Variants in DCDC2 observed in about 807,000 individuals in gnomAD.
DCDC2 encodes the protein doublecortin domain-containing protein 2.
Under a neutral mutation model 50.2 loss-of-function variants are expected in DCDC2, and 40 were observed. The ratio of observed to expected loss-of-function variants is 0.80; its 90% CI spans 0.62 to 1.04. DCDC2 has a LOEUF of 1.04. DCDC2 is among the 50% of genes least tolerant of loss of function. DCDC2 has a pLI of 0.00. For synonymous variants in DCDC2, 234 were observed against 210.6 expected (o/e 1.11, Z -0.96); for missense variants, 570 against 581.9 (o/e 0.98, Z 0.21).
intron 7 of DCDC2, among the ~76,000 whole-genome samples, chr6:24,269,728 A>G (rs1219597434): frequency 1.3e-5 from 2 of 152,150 alleles, no homozygotes; most frequent in African/African-American, 2.4e-5. Context: ...AACTGTTTTA[A>G]AAAAGGGGAT....
intron 7 of DCDC2, among the ~76,000 whole-genome samples, chr6:24,272,686 A>G (rs764515867): frequency 1.1e-4 from 17 of 152,222 alleles, no homozygotes; most frequent in Non-Finnish European, 1.8e-4. Context: ...ACCAGTCAGA[A>G]TGGCTGTTCT....
At chr6:24,235,620 C>CA (rs1354610792) in intron 7 of DCDC2, among the ~76,000 whole-genome samples, 6 of 152,080 alleles carry the variant, frequency 3.9e-5, no homozygotes, top group African/African-American at 1.4e-4. Flanking sequence ...TAAAAAGTCT[C>CA]AAAAAACTAG....
chr6:24,262,170 G>A (rs956084980), intron 7 of DCDC2, among the ~76,000 whole-genome samples: 5 of 146,344 alleles, frequency 3.4e-5, no homozygotes. Flanking sequence ...GAGAATCTGT[G>A]TGCTTAGGGG....
At chr6:24,283,881 T>C (rs1763534097) in intron 6 of DCDC2, among the ~76,000 whole-genome samples, 1 of 152,198 alleles carries the variant, frequency 6.6e-6, no homozygotes, top group Non-Finnish European at 1.5e-5. Context: ...TGCCAGGGGT[T>C]ATTCTCCTCT....
intron 4 of DCDC2, among the ~76,000 whole-genome samples, chr6:24,299,494 T>C (rs765934985): frequency 6.6e-6 from 1 of 152,144 alleles, no homozygotes; most frequent in African/African-American, 2.4e-5. Flanking sequence ...AATGAAATTA[T>C]AAAAAAGAGG....
intron 9 of DCDC2, among the ~76,000 whole-genome samples, chr6:24,177,991 A>C (rs1438706607): frequency 6.6e-6 from 1 of 152,126 alleles, no homozygotes; most frequent in Non-Finnish European, 1.5e-5. Context: ...GTCTTAACTT[A>C]TTCTTACTTT....
chr6:24,278,018 C>A, intron 7 of DCDC2, 31 bp downstream of exon 7: 1 of 1,538,980 alleles, frequency 6.5e-7, no homozygotes, highest in South Asian at 1.2e-5. Flanking sequence ...AAAATTGTAT[C>A]ACAGCCTTAA....
intron 7 of DCDC2, among the ~76,000 whole-genome samples, chr6:24,227,109 G>A (rs1225547443): frequency 3.9e-5 from 6 of 152,162 alleles, no homozygotes; most frequent in Non-Finnish European, 5.9e-5. Flanking sequence ...GCAGCAGACG[G>A]GAGTATGACA....
intron 8 of DCDC2, among the ~76,000 whole-genome samples, chr6:24,184,036 G>A (rs1024927956): frequency 6.6e-6 from 1 of 152,168 alleles, no homozygotes; most frequent in African/African-American, 2.4e-5. Flanking sequence ...CCTATGAGTT[G>A]TTTCTTATAC....
At chr6:24,342,492 C>T (rs1455835860) in intron 2 of DCDC2, among the ~76,000 whole-genome samples, 2 of 152,226 alleles carry the variant, frequency 1.3e-5, no homozygotes, top group Non-Finnish European at 2.9e-5. Context: ...GGCAGCGCTC[C>T]TTCTGGGCTT....
chr6:24,301,244 G>A (rs531990062), intron 4 of DCDC2, among the ~76,000 whole-genome samples: 4 of 151,820 alleles, frequency 2.6e-5, no homozygotes, highest in African/African-American at 9.7e-5. Context: ...GGTGGTGGGC[G>A]CCTGTGGTCC....
At chr6:24,180,491 T>C (rs1761046906) in intron 8 of DCDC2, among the ~76,000 whole-genome samples, 1 of 151,988 alleles carries the variant, frequency 6.6e-6, no homozygotes, top group Non-Finnish European at 1.5e-5. Context: ...GGTTTCACCA[T>C]GTTAGCCAGG....
intron 7 of DCDC2, among the ~76,000 whole-genome samples, chr6:24,274,605 C>CAAAAAAAAAAA (rs61569208): frequency 6.6e-4 from 54 of 82,402 alleles, no homozygotes; most frequent in East Asian, 1.1e-3. Flanking sequence ...GAAACAGAGT[C>CAAAAAAAAAAA]AAAAAAAAAA....
intron 2 of DCDC2, among the ~76,000 whole-genome samples, chr6:24,302,308 AC>A (rs1220904491): frequency 6.0e-5 from 9 of 150,774 alleles, no homozygotes; most frequent in Admixed American, 1.3e-4. Context: ...AAAAAAAAAA[AC>A]AGAAATCATT....
At chr6:24,243,119 A>T (rs1472803583) in intron 7 of DCDC2, among the ~76,000 whole-genome samples, 3 of 152,224 alleles carry the variant, frequency 2.0e-5, no homozygotes, top group Non-Finnish European at 2.9e-5. Flanking sequence ...CACAAAACAG[A>T]AGAGAAAAAT....
intron 7 of DCDC2, among the ~76,000 whole-genome samples, chr6:24,222,413 G>A (rs1762140302): frequency 6.6e-6 from 1 of 152,192 alleles, no homozygotes; most frequent in African/African-American, 2.4e-5. Flanking sequence ...TCCAGATGAA[G>A]TCAAATTATA....
intron 7 of DCDC2, among the ~76,000 whole-genome samples, chr6:24,207,831 C>T (rs145975164): frequency 3.0e-4 from 45 of 152,312 alleles, no homozygotes; most frequent in African/African-American, 1.1e-3. Flanking sequence ...CCCACGTGTC[C>T]TCACCCACCC....
intron 9 of DCDC2, among the ~76,000 whole-genome samples, chr6:24,177,504 T>G (rs1394740020): frequency 1.3e-5 from 2 of 152,160 alleles, no homozygotes; most frequent in African/African-American, 2.4e-5. Context: ...GTTACAGCCT[T>G]GAGGGAGGTG....
intron 8 of DCDC2, among the ~76,000 whole-genome samples, chr6:24,183,414 G>C (rs1426362466): frequency 3.3e-5 from 5 of 152,152 alleles, no homozygotes; most frequent in Admixed American, 2.6e-4. Flanking sequence ...TTCAGGAAAG[G>C]AGCCCACACC....
Sources: gnomAD v4.1 joint callset for allele counts (sites outside exome capture counted in the v4.1 genomes callset) on GRCh38, gnomAD v4.1.1 for gene constraint, MANE v1.5 for transcripts, NCBI Gene and HGNC (gene_info 2026-07-23, HGNC 2026-07-21) for gene names.